Variants in THSD7B observed in about 807,000 individuals in gnomAD.
The protein encoded by THSD7B is thrombospondin type 1 domain containing 7B.
In THSD7B, 138 loss-of-function variants were observed where a neutral mutation model predicts 213.6. The ratio of observed to expected loss-of-function variants is 0.65; its 90% CI spans 0.56 to 0.74. The LOEUF (loss-of-function observed/expected upper bound fraction) is 0.74. THSD7B is among the 30% of genes least tolerant of loss of function. The pLI is 0.00. For missense variants in THSD7B, 1,931 were observed against 1,991.5 expected (o/e 0.97, Z 0.58); for synonymous variants, 742 against 687.0 (o/e 1.08, Z -1.25).
At chr2:137,060,851 A>G (rs1045555897) in intron 3 of THSD7B, among the ~76,000 whole-genome samples, 4 of 151,810 alleles carry the variant, frequency 2.6e-5, no homozygotes, top group Non-Finnish European at 5.9e-5. Context: ...GCTTTTTCAT[A>G]TAAACTTTGG....
intron 6 of THSD7B, 39 bp downstream of exon 6, chr2:137,160,407 CGT>C: frequency 6.2e-7 from 1 of 1,601,168 alleles, no homozygotes; most frequent in Non-Finnish European, 8.5e-7. Context: ...TTGCTGTCAG[CGT>C]ACAAACATTT....
At chr2:137,155,315 G>A (rs71419519) in intron 5 of THSD7B, among the ~76,000 whole-genome samples, 7,038 of 152,240 alleles carry the variant, frequency 0.046, 204 homozygotes, top group Admixed American at 0.07. Flanking sequence ...ATGGCAGAAG[G>A]CTCCAAGGTG....
intron 16 of THSD7B, among the ~76,000 whole-genome samples, chr2:137,568,375 T>TCA (rs1681284077): frequency 6.6e-6 from 1 of 152,158 alleles, no homozygotes; most frequent in Admixed American, 6.5e-5. Context: ...AGGAACACCC[T>TCA]CAATTTAAAT....
chr2:136,921,132 G>A (rs1164394870), intron 2 of THSD7B, among the ~76,000 whole-genome samples: 2 of 150,988 alleles, frequency 1.3e-5, no homozygotes, highest in Admixed American at 6.6e-5. Context: ...TGCCTAGTGC[G>A]CAGGCCTGGC....
At chr2:137,431,493 G>A (rs1326979132) in intron 14 of THSD7B, among the ~76,000 whole-genome samples, 1 of 152,130 alleles carries the variant, frequency 6.6e-6, no homozygotes, top group East Asian at 1.9e-4. Context: ...CTTTATAGAT[G>A]CAAATTTTCT....
chr2:137,001,219 C>T (rs759468668), intron 2 of THSD7B, among the ~76,000 whole-genome samples: 15 of 152,062 alleles, frequency 9.9e-5, no homozygotes, highest in Admixed American at 3.9e-4. Context: ...GTGGTGATGA[C>T]TGATGAGTTT....
chr2:137,460,950 G>A (rs760956093), intron 15 of THSD7B, among the ~76,000 whole-genome samples: 3 of 151,834 alleles, frequency 2.0e-5, no homozygotes, highest in Non-Finnish European at 4.4e-5. Context: ...ACAACTTTAC[G>A]TAAGTGGAAT....
At chr2:136,941,399 TTTCTAG>T in intron 2 of THSD7B, among the ~76,000 whole-genome samples, 1 of 152,312 alleles carries the variant, frequency 6.6e-6, no homozygotes, top group African/African-American at 2.4e-5. Context: ...TCAAATGGTA[TTTCTAG>T]TTCTAGATCC....
chr2:137,299,949 A>G (rs1273304393), intron 12 of THSD7B, among the ~76,000 whole-genome samples: 1 of 152,162 alleles, frequency 6.6e-6, no homozygotes, highest in Non-Finnish European at 1.5e-5. Flanking sequence ...TGTTCTCTCA[A>G]TTAGGCAATA....
chr2:136,926,606 A>T (rs1001648103), intron 2 of THSD7B, among the ~76,000 whole-genome samples: 6 of 151,928 alleles, frequency 3.9e-5, no homozygotes, highest in African/African-American at 1.5e-4. Flanking sequence ...AGGTGGGAGG[A>T]TGGTCTGGGC....
intron 5 of THSD7B, among the ~76,000 whole-genome samples, chr2:137,145,610 T>G (rs1041018826): frequency 2.0e-5 from 3 of 152,092 alleles, no homozygotes; most frequent in African/African-American, 7.2e-5. Flanking sequence ...CCCCCCATGC[T>G]GCCAAATATT....
intron 7 of THSD7B, among the ~76,000 whole-genome samples, chr2:137,184,705 CAT>C (rs1279969327): frequency 3.9e-5 from 6 of 152,208 alleles, no homozygotes; most frequent in African/African-American, 1.4e-4. Context: ...CTGCTTCTAA[CAT>C]TCTCATTCCT....
intron 6 of THSD7B, among the ~76,000 whole-genome samples, chr2:137,170,155 A>G (rs1466763768): frequency 6.6e-6 from 1 of 152,100 alleles, no homozygotes; most frequent in African/African-American, 2.4e-5. Context: ...GTCCCACAGT[A>G]CACTTTTTTT....
intron 12 of THSD7B, among the ~76,000 whole-genome samples, chr2:137,311,027 TC>T (rs1363580300): frequency 1.3e-5 from 2 of 150,824 alleles, no homozygotes; most frequent in African/African-American, 4.9e-5. Flanking sequence ...AGTATTTTTT[TC>T]CAATTCTGTG....
chr2:136,872,304 A>G (rs1321107086), intron 1 of THSD7B, among the ~76,000 whole-genome samples: 1 of 145,040 alleles, frequency 6.9e-6, no homozygotes, highest in Non-Finnish European at 1.5e-5. Flanking sequence ...CCATGGCTTC[A>G]AGCAGGCTCT....
chr2:137,266,524 C>A (rs1682593044), intron 10 of THSD7B, among the ~76,000 whole-genome samples: 1 of 152,010 alleles, frequency 6.6e-6, no homozygotes, highest in South Asian at 2.1e-4. Context: ...AGGGTGAGAA[C>A]CAGGAGTTAA....
At chr2:137,591,383 C>A (rs1008450856) in intron 17 of THSD7B, among the ~76,000 whole-genome samples, 1 of 151,838 alleles carries the variant, frequency 6.6e-6, no homozygotes, top group Non-Finnish European at 1.5e-5. Context: ...GTAGTATTCT[C>A]ATTTTCATTA....
chr2:137,150,264 G>GAAAAAAAAAAAAAAAA (rs60173278), intron 5 of THSD7B, among the ~76,000 whole-genome samples: 1 of 149,924 alleles, frequency 6.7e-6, no homozygotes, highest in African/African-American at 2.5e-5. Flanking sequence ...AAAAGAAAAA[G>GAAAAAAAAAAAAAAAA]AAAAAGAAAG....
chr2:137,245,506 G>A (rs938292286), intron 10 of THSD7B, among the ~76,000 whole-genome samples: 5 of 152,026 alleles, frequency 3.3e-5, no homozygotes, highest in African/African-American at 1.2e-4. Context: ...CCTTTCCCCT[G>A]GAATGCTGCT....
Sources: gnomAD v4.1 joint callset for allele counts (sites outside exome capture counted in the v4.1 genomes callset) on GRCh38, gnomAD v4.1.1 for gene constraint, MANE v1.5 for transcripts, NCBI Gene and HGNC (gene_info 2026-07-23, HGNC 2026-07-21) for gene names.